Variants in ZNF362 observed in about 807,000 individuals in gnomAD.
ZNF362 encodes the protein zinc finger protein 362.
In ZNF362, 11 loss-of-function variants were observed where a neutral mutation model predicts 42.9. That is an observed-to-expected ratio of 0.26 (90% CI 0.16 to 0.42). The LOEUF is 0.42. ZNF362 is among the 20% of genes least tolerant of loss of function. The pLI, the probability that ZNF362 is intolerant of heterozygous loss-of-function variation, is 1.00. For missense variants in ZNF362, 362 were observed against 576.2 expected (o/e 0.63, Z 3.81); for synonymous variants, 255 against 257.3 (o/e 0.99, Z 0.09).
chr1:33,275,355 A>C (rs1014862258), intron 2 of ZNF362: 1 of 985,402 alleles, frequency 1.0e-6, no homozygotes, highest in African/African-American at 1.7e-5. Flanking sequence ...ACAGTTTGTC[A>C]CACACTTTTA....
upstream of ZNF362, among the ~76,000 whole-genome samples, chr1:33,255,900 G>T (rs1645784524): frequency 6.6e-6 from 1 of 151,974 alleles, no homozygotes; most frequent in East Asian, 2.0e-4. Context: ...CGCGGGCTCG[G>T]CCTGGTCAGG....
the ZNF362 span, among the ~76,000 whole-genome samples, chr1:33,183,042 A>G: frequency 1.3e-5 from 2 of 152,210 alleles, no homozygotes. Flanking sequence ...GTGTAGCTGA[A>G]TAACCGCATC....
intron 6 of ZNF362, among the ~76,000 whole-genome samples, chr1:33,286,144 AG>A (rs1646030903): frequency 1.3e-5 from 2 of 152,328 alleles, no homozygotes; most frequent in African/African-American, 4.8e-5. Context: ...TTGTAAAACA[AG>A]GGAGCAAATC....
chr1:33,180,498 C>T, the ZNF362 span, among the ~76,000 whole-genome samples: 759 of 152,270 alleles, frequency 5.0e-3, 11 homozygotes, highest in African/African-American at 0.017. Flanking sequence ...CTGTCCAGCA[C>T]ATTCTAGCCC....
At chr1:33,168,119 G>C in the ZNF362 span, among the ~76,000 whole-genome samples, 1 of 152,192 alleles carries the variant, frequency 6.6e-6, no homozygotes, top group South Asian at 2.1e-4. Flanking sequence ...TCTCTGAGGA[G>C]GTGACAGCAG....
the ZNF362 span, chr1:33,147,543 C>G: frequency 4.3e-6 from 7 of 1,614,068 alleles, no homozygotes; most frequent in Non-Finnish European, 5.9e-6. The surrounding 1 kb of genome is among the most constrained non-coding windows in gnomAD (Gnocchi z 8.1). Context: ...CCACCACCAC[C>G]TCCCAGTAGT....
the ZNF362 span, among the ~76,000 whole-genome samples, chr1:33,148,533 C>G: frequency 8.5e-5 from 13 of 152,268 alleles, no homozygotes; most frequent in African/African-American, 3.1e-4. Flanking sequence ...TGGTGTTTTA[C>G]CTATGACGAG....
the ZNF362 span, among the ~76,000 whole-genome samples, chr1:33,248,516 C>T: frequency 6.6e-6 from 1 of 152,218 alleles, no homozygotes; most frequent in African/African-American, 2.4e-5. Flanking sequence ...ACCCAGATTA[C>T]TAGTCCTTTG....
the ZNF362 span, among the ~76,000 whole-genome samples, chr1:33,189,914 T>C: frequency 6.6e-6 from 1 of 151,872 alleles, no homozygotes; most frequent in East Asian, 1.9e-4. Flanking sequence ...GGACTCACTG[T>C]AAAATGGGCT....
chr1:33,278,099 AAGT>A (rs1267472114), intron 4 of ZNF362, among the ~76,000 whole-genome samples: 1 of 152,226 alleles, frequency 6.6e-6, no homozygotes, highest in Non-Finnish European at 1.5e-5. Flanking sequence ...TCCATTATAA[AAGT>A]AATATTAAAA....
chr1:33,175,863 TAG>T, the ZNF362 span, among the ~76,000 whole-genome samples: 2 of 152,226 alleles, frequency 1.3e-5, no homozygotes, highest in Non-Finnish European at 1.5e-5. Context: ...TATAATTTTA[TAG>T]AGTCATTGTT....
chr1:33,189,662 T>C, the ZNF362 span, among the ~76,000 whole-genome samples: 460 of 23,962 alleles, frequency 0.019, 30 homozygotes, highest in Middle Eastern at 0.19. Flanking sequence ...TATATATATA[T>C]ATATATATAT....
At chr1:33,189,685 G>GTATA in the ZNF362 span, among the ~76,000 whole-genome samples, 280 of 10,940 alleles carry the variant, frequency 0.026, 20 homozygotes, top group South Asian at 0.07. Flanking sequence ...ATATATATAC[G>GTATA]TATATATATA....
At chr1:33,183,987 G>C in the ZNF362 span, among the ~76,000 whole-genome samples, 2 of 152,026 alleles carry the variant, frequency 1.3e-5, no homozygotes. Flanking sequence ...TAATGAGGGG[G>C]TGGGGAAAGT....
At chr1:33,148,414 T>C in the ZNF362 span, among the ~76,000 whole-genome samples, 1 of 152,240 alleles carries the variant, frequency 6.6e-6, no homozygotes, top group Non-Finnish European at 1.5e-5. Flanking sequence ...AGGCTGCATT[T>C]GTTTTGTTTG....
At chr1:33,250,351 G>T in the ZNF362 span, among the ~76,000 whole-genome samples, 1 of 152,166 alleles carries the variant, frequency 6.6e-6, no homozygotes, top group African/African-American at 2.4e-5. Context: ...GCCCATTAAT[G>T]ATAGACGGGA....
At chr1:33,150,488 CCT>C in the ZNF362 span, among the ~76,000 whole-genome samples, 1 of 152,208 alleles carries the variant, frequency 6.6e-6, no homozygotes, top group Non-Finnish European at 1.5e-5. Context: ...TGCATTTTAC[CCT>C]CTTTGTTTCT....
chr1:33,227,691 G>A, the ZNF362 span, among the ~76,000 whole-genome samples: 1 of 152,154 alleles, frequency 6.6e-6, no homozygotes, highest in Non-Finnish European at 1.5e-5. Context: ...GTTCTGCCAA[G>A]CTGGGGGTAT....
At chr1:33,152,540 C>T in the ZNF362 span, among the ~76,000 whole-genome samples, 8 of 148,308 alleles carry the variant, frequency 5.4e-5, no homozygotes, top group Non-Finnish European at 1.0e-4. Flanking sequence ...GCACTCCAGC[C>T]TGGGCAACAA....
Sources: gnomAD v4.1 joint callset for allele counts (sites outside exome capture counted in the v4.1 genomes callset) on GRCh38, gnomAD v4.1.1 for gene constraint, Gnocchi (gnomAD v3.1) non-coding constraint, MANE v1.5 for transcripts, NCBI Gene and HGNC (gene_info 2026-07-23, HGNC 2026-07-21) for gene names.